The following TMEM132D variants were observed in gnomAD, a reference collection of about 807,000 sequenced individuals.
TMEM132D encodes the protein transmembrane protein 132D, also known as mature OL transmembrane protein.
In TMEM132D, 21 loss-of-function variants were observed where a neutral mutation model predicts 62.3. The ratio of observed to expected loss-of-function variants is 0.34; its 90% CI spans 0.24 to 0.49. TMEM132D has a LOEUF of 0.49. TMEM132D is among the 20% of genes least tolerant of loss of function. The pLI is 0.99. For missense variants in TMEM132D, 1,346 were observed against 1,402.8 expected (o/e 0.96, Z 0.65); for synonymous variants, 621 against 575.6 (o/e 1.08, Z -1.13).
chr12:129,627,768 C>T (rs1879259042), intron 2 of TMEM132D, among the ~76,000 whole-genome samples: 1 of 152,278 alleles, frequency 6.6e-6, no homozygotes, highest in South Asian at 2.1e-4. Context: ...CAGGTGATCG[C>T]TTGAGCTCAG....
intron 4 of TMEM132D, among the ~76,000 whole-genome samples, chr12:129,232,581 C>T (rs1879671331): frequency 6.6e-6 from 1 of 152,054 alleles, no homozygotes; most frequent in African/African-American, 2.4e-5. Flanking sequence ...ATGTCTTCAC[C>T]TCCCAGGGCT....
chr12:129,561,378 A>G (rs1397645651), intron 2 of TMEM132D, among the ~76,000 whole-genome samples: 1 of 152,196 alleles, frequency 6.6e-6, no homozygotes, highest in Non-Finnish European at 1.5e-5. Flanking sequence ...AACAGAGACC[A>G]ATGTATGTTC....
chr12:129,828,977 G>A lies in TMEM132D; in HGVS notation c.79+74284C>T, dbSNP rs143186101. Among the ~76,000 whole-genome samples the A allele has an allele frequency of 2.2e-3, 334 of 151,928 alleles. 1 individual carries two copies. The highest frequency in any genetic ancestry group is 7.2e-3 in the African/African-American group (300 of 41,418). ...ATACTGTCACTATGAGGAGGTGGCC[G>A]AGGGAATTAATTGCAAGAAGCCAGT... On this transcript the variant is annotated intron_variant, in intron 1 of 8. Transcript: ENST00000422113.
intron 4 of TMEM132D, among the ~76,000 whole-genome samples, chr12:129,293,574 T>C (rs908010002): frequency 6.6e-6 from 1 of 152,154 alleles, no homozygotes; most frequent in Non-Finnish European, 1.5e-5. Flanking sequence ...CACCATAATG[T>C]AGAAGGAGTG....
chr12:129,505,240 G>A (rs1012262762), intron 3 of TMEM132D, among the ~76,000 whole-genome samples: 3 of 132,332 alleles, frequency 2.3e-5, no homozygotes, highest in Admixed American at 1.5e-4. Flanking sequence ...TTTGTTCCAG[G>A]GTATAGTTTT....
At chr12:129,086,201 C>CGCGCATGTGTGT (rs1349816832) in intron 5 of TMEM132D, among the ~76,000 whole-genome samples, 1 of 141,038 alleles carries the variant, frequency 7.1e-6, no homozygotes, top group African/African-American at 2.8e-5. Flanking sequence ...CACGCGCGCG[C>CGCGCATGTGTGT]GTGTGTGTGT....
rs1035697524 is a variant in TMEM132D, at chr12:129,823,718, A to G, written c.79+79543T>C. 5.3e-5 allele frequency among the ~76,000 whole-genome samples: 8 copies of G among 152,344 alleles called. No homozygotes were observed. In the East Asian group the frequency reaches 1.5e-3, roughly 29 times the overall value. On this transcript the variant is annotated intron_variant, in intron 1 of 8. Coordinates refer to ENST00000422113, the MANE Select transcript of TMEM132D (RefSeq NM_133448.3). Reference sequence around the variant, plus strand: ...GAAGGAGGTAGAGGTGGAAGTGAGAACAAATTTGCGGCTCTATCACTTGCT... The same window carrying G: ...GAAGGAGGTAGAGGTGGAAGTGAGAGCAAATTTGCGGCTCTATCACTTGCT...
At chr12:129,886,024 A>G (rs1874739822) in intron 1 of TMEM132D, among the ~76,000 whole-genome samples, 1 of 152,172 alleles carries the variant, frequency 6.6e-6, no homozygotes, top group African/African-American at 2.4e-5. Context: ...ATTGAACTTA[A>G]ACTTTTTAAA....
At chr12:129,358,629 A>G (rs186764273) in intron 3 of TMEM132D, among the ~76,000 whole-genome samples, 185 of 152,274 alleles carry the variant, frequency 1.2e-3, no homozygotes, top group African/African-American at 4.1e-3. Flanking sequence ...AATCACATCA[A>G]CCAACATAAA....
At chr12:129,428,320 T>A (rs1407625299) in intron 3 of TMEM132D, among the ~76,000 whole-genome samples, 1 of 152,188 alleles carries the variant, frequency 6.6e-6, no homozygotes, top group Non-Finnish European at 1.5e-5. Flanking sequence ...TTCAGAAAAA[T>A]CTGTTGTGTA....
chr12:129,789,749 A>T (rs1040678758), intron 1 of TMEM132D, among the ~76,000 whole-genome samples: 1 of 152,204 alleles, frequency 6.6e-6, no homozygotes, highest in Admixed American at 6.5e-5. Flanking sequence ...ATTGGGACAC[A>T]TTGAGAAGAA....
chr12:129,109,650 C>T (rs541935019), intron 5 of TMEM132D: 4 of 158,712 alleles, frequency 2.5e-5, no homozygotes, highest in Non-Finnish European at 4.1e-5. Context: ...TGGGTTTATC[C>T]GGTGTTTCTG....
At chr12:129,850,481 C>T (rs547781311) in intron 1 of TMEM132D, among the ~76,000 whole-genome samples, 25 of 152,242 alleles carry the variant, frequency 1.6e-4, no homozygotes, top group South Asian at 4.2e-4. Context: ...TCAGCAAAGG[C>T]GACATCAAGA....
chr12:129,811,450 G>A (rs1377191599), intron 1 of TMEM132D, among the ~76,000 whole-genome samples: 1 of 151,558 alleles, frequency 6.6e-6, no homozygotes, highest in Non-Finnish European at 1.5e-5. Context: ...CATTCTCAGG[G>A]ACCTCAAGCA....
intron 3 of TMEM132D, among the ~76,000 whole-genome samples, chr12:129,446,192 G>A (rs555296271): frequency 1.3e-4 from 20 of 152,214 alleles, no homozygotes; most frequent in African/African-American, 4.6e-4. Context: ...GTGGAACTGG[G>A]TGGTCACAAA....
At chr12:129,196,236 AAGC>A (rs1478537759) in intron 5 of TMEM132D, among the ~76,000 whole-genome samples, 3 of 152,240 alleles carry the variant, frequency 2.0e-5, no homozygotes, top group Non-Finnish European at 2.9e-5. Context: ...CTAAATGCTT[AAGC>A]AGCATGTTAT....
intron 3 of TMEM132D, among the ~76,000 whole-genome samples, chr12:129,496,305 C>T (rs1874954607): frequency 6.6e-6 from 1 of 152,058 alleles, no homozygotes; most frequent in African/African-American, 2.4e-5. Context: ...TACTAAGCAC[C>T]TTAGTGGGGA....
rs191688174 is a variant in TMEM132D at position 129,388,586 on chromosome 12, G to A, written c.1116-50769C>T. On this transcript the variant is annotated intron_variant, in intron 3 of 8. Coordinates refer to ENST00000422113, the MANE Select transcript of TMEM132D (RefSeq NM_133448.3). ...GAATCCTAATATAAACACTAACACC[G>A]ACACCAATACTAACACCAACACCAA... Among the ~76,000 whole-genome samples the A allele has an allele frequency of 4.7e-3, 281 of 59,810 alleles. 12 individuals are homozygous for A. The highest frequency in any genetic ancestry group is 5.6e-3 in the Non-Finnish European group (166 of 29,536). 39.2% of individuals were successfully genotyped at this position (59,810 alleles called of 152,430 possible). A position where few individuals can be genotyped will look rare whatever the true frequency, so the allele number is the denominator to read the frequency against.
chr12:129,151,127 C>T (rs1349598339), intron 5 of TMEM132D, among the ~76,000 whole-genome samples: 4 of 152,214 alleles, frequency 2.6e-5, no homozygotes, highest in African/African-American at 7.2e-5. Flanking sequence ...GCTGCAATCT[C>T]CCCAAGAGAA....
Sources: allele counts gnomAD v4.1 joint callset (sites outside exome capture counted in the v4.1 genomes callset), GRCh38; gene constraint gnomAD v4.1.1; transcripts MANE v1.5; gene names NCBI Gene and HGNC (gene_info 2026-07-23, HGNC 2026-07-21).